Variants in DNM3 observed in about 807,000 individuals in gnomAD.
The protein encoded by DNM3 is dynamin 3.
In DNM3, 47 loss-of-function variants were observed where a neutral mutation model predicts 101.6. That is an observed-to-expected ratio of 0.46 (90% CI 0.37 to 0.59). The LOEUF is 0.59. DNM3 is among the 20% of genes least tolerant of loss of function. The pLI, the probability that DNM3 is intolerant of heterozygous loss-of-function variation, is 0.00. For synonymous variants in DNM3, 385 were observed against 387.9 expected, an observed-to-expected ratio of 0.99 and a Z score of 0.09; for missense variants, 849 against 1,085.7, an observed-to-expected ratio of 0.78 and a Z score of 3.06.
chr1:172,241,239 A>ATGTGTGTGTGTGTGTGTGTG (rs1262155821), intron 14 of DNM3, among the ~76,000 whole-genome samples: 4 of 148,454 alleles, frequency 2.7e-5, no homozygotes, highest in African/African-American at 9.9e-5. Flanking sequence ...ATATACATAG[A>ATGTGTGTGTGTGTGTGTGTG]TGTGTGTGTG....
intron 2 of DNM3, among the ~76,000 whole-genome samples, chr1:171,967,542 T>A (rs2043675118): frequency 6.6e-6 from 1 of 152,058 alleles, no homozygotes. Flanking sequence ...AATTTCCTTA[T>A]CTAAGAAAGT....
At chr1:172,005,113 C>T (rs566143215) in intron 4 of DNM3, among the ~76,000 whole-genome samples, 17 of 152,070 alleles carry the variant, frequency 1.1e-4, no homozygotes, top group Non-Finnish European at 2.5e-4. Flanking sequence ...CATGGCTCCA[C>T]CATTTACTAG....
intron 15 of DNM3, among the ~76,000 whole-genome samples, chr1:172,297,094 G>T (rs1039945444): frequency 7.0e-6 from 1 of 143,442 alleles, no homozygotes; most frequent in African/African-American, 2.6e-5. Flanking sequence ...AGTGAGCCAA[G>T]ATCATGCCAC....
intron 11 of DNM3, among the ~76,000 whole-genome samples, chr1:172,071,956 C>A (rs2052231033): frequency 6.6e-6 from 1 of 152,172 alleles, no homozygotes; most frequent in South Asian, 2.1e-4. Context: ...TGAACACAGA[C>A]TCCCAGTTTC....
At chr1:172,042,584 C>T (rs2049466670) in intron 8 of DNM3, among the ~76,000 whole-genome samples, 1 of 152,082 alleles carries the variant, frequency 6.6e-6, no homozygotes, top group African/African-American at 2.4e-5. Context: ...ATGGAATAAT[C>T]AGGCAAATTC....
At chr1:171,997,915 A>T (rs2046106668) in intron 4 of DNM3, among the ~76,000 whole-genome samples, 1 of 152,142 alleles carries the variant, frequency 6.6e-6, no homozygotes, top group South Asian at 2.1e-4. Flanking sequence ...GTTTTAGGGG[A>T]TGTGATTTGG....
At chr1:172,050,810 C>T (rs1262189633) in intron 10 of DNM3, among the ~76,000 whole-genome samples, 2 of 152,166 alleles carry the variant, frequency 1.3e-5, no homozygotes, top group African/African-American at 4.8e-5. Flanking sequence ...CTTGGCCTTA[C>T]ATCAAAAGAT....
At chr1:171,927,031 C>T (rs907427250) in intron 2 of DNM3, among the ~76,000 whole-genome samples, 7 of 151,944 alleles carry the variant, frequency 4.6e-5, no homozygotes, top group East Asian at 3.9e-4. Flanking sequence ...CAACATTGTA[C>T]GGTAGGTTCT....
chr1:172,103,862 G>A (rs144541309), intron 13 of DNM3, among the ~76,000 whole-genome samples: 1,561 of 152,244 alleles, frequency 0.01, 25 homozygotes, highest in African/African-American at 0.033. Flanking sequence ...TTAGCTGGGC[G>A]TGGTGGTGCA....
chr1:172,108,974 A>G (rs1017165279), intron 13 of DNM3, among the ~76,000 whole-genome samples: 8 of 152,318 alleles, frequency 5.3e-5, no homozygotes, highest in African/African-American at 1.9e-4. Flanking sequence ...AATACTAAAT[A>G]TAGTCATCAT....
intron 14 of DNM3, among the ~76,000 whole-genome samples, chr1:172,232,208 T>G (rs1162443530): frequency 6.6e-6 from 1 of 151,196 alleles, no homozygotes; most frequent in Non-Finnish European, 1.5e-5. Context: ...ACCAAGCAAA[T>G]GGAAAACAAA....
At chr1:172,344,232 A>G (rs2066828375) in intron 17 of DNM3, among the ~76,000 whole-genome samples, 1 of 152,180 alleles carries the variant, frequency 6.6e-6, no homozygotes, top group Non-Finnish European at 1.5e-5. Flanking sequence ...TCATTGGTTT[A>G]ATTTCTGCTG....
At chr1:172,394,851 A>G (rs1359548760) in intron 20 of DNM3, among the ~76,000 whole-genome samples, 1 of 152,208 alleles carries the variant, frequency 6.6e-6, no homozygotes, top group East Asian at 1.9e-4. Flanking sequence ...ATACAAGTTA[A>G]TGTTAGCTCA....
chr1:172,327,725 C>T (rs376395466), intron 17 of DNM3, among the ~76,000 whole-genome samples: 3 of 152,216 alleles, frequency 2.0e-5, no homozygotes, highest in African/African-American at 7.2e-5. Flanking sequence ...GTCTAAGGAA[C>T]ACCGTCCCCC....
intron 2 of DNM3, among the ~76,000 whole-genome samples, chr1:171,926,036 T>C (rs2040543836): frequency 6.6e-6 from 1 of 152,202 alleles, no homozygotes; most frequent in African/African-American, 2.4e-5. Flanking sequence ...ACTTCTGAGT[T>C]CTCTGTTCTT....
At chr1:172,111,537 A>G (rs1468995227) in intron 13 of DNM3, among the ~76,000 whole-genome samples, 1 of 152,232 alleles carries the variant, frequency 6.6e-6, no homozygotes, top group East Asian at 1.9e-4. Flanking sequence ...TTGACAATAA[A>G]TGAGGCTTGG....
Position 172,388,606 on chromosome 1 carries a change from G to T in DNM3, c.2319G>T (p.Arg773Ser). 1 of 1,613,964 alleles carries T rather than the reference G, an allele frequency of 6.2e-7. No individual in the cohort carries two copies. Among genetic ancestry groups the T allele is most frequent in the Non-Finnish European group, 8.5e-7 (1 of 1,179,888 alleles). Residue 773 changes from arginine (R) to serine (S), a missense_variant, in exon 20 of 21, where the codon AGG (arginine) becomes AGT (serine). Around this residue, in one of 5 missense-constraint regions of DNM3, gnomAD observed 256 missense variants for 311.7 expected, o/e 0.82. Transcript: ENST00000627582. ...SPPPSPTTQR[R>S]PTLSAPLARP... ...CTCCAAGCCCCACAACCCAAAGGAG[G>T]CCAACACTAAGTGCTCCCCTCGCAA...
chr1:172,281,453 C>G (rs1326139903), intron 15 of DNM3, among the ~76,000 whole-genome samples: 2 of 152,058 alleles, frequency 1.3e-5, no homozygotes, highest in Non-Finnish European at 2.9e-5. Flanking sequence ...TGAGCTGACA[C>G]CCCCATTTTC....
rs555738844 is a variant in DNM3, at chr1:171,978,076, T to C, written c.236-9580T>C. ...ATTCCTTCAGTCATCTACTCATTCATTTATTTATTCATCAATTCTACAAAT... is the reference window on the plus strand; with the variant it reads ...ATTCCTTCAGTCATCTACTCATTCACTTATTTATTCATCAATTCTACAAAT... On this transcript the variant is annotated intron_variant, in intron 2 of 20. Coordinates refer to ENST00000627582, the MANE Select transcript of DNM3 (RefSeq NM_015569.5). Among the ~76,000 whole-genome samples, 5 of 152,356 alleles carry C rather than the reference T, an allele frequency of 3.3e-5. No individual in the cohort carries two copies. The South Asian group carries it at 8.3e-4, about 25-fold the overall frequency.
Sources: allele counts gnomAD v4.1 joint callset (sites outside exome capture counted in the v4.1 genomes callset), GRCh38; gene constraint gnomAD v4.1.1; regional missense constraint gnomAD v4.1.1; transcripts MANE v1.5; gene names NCBI Gene and HGNC (gene_info 2026-07-23, HGNC 2026-07-21).